DENND1A: variants seen among roughly 807,000 people sequenced by gnomAD.
DENND1A encodes DENN domain-containing protein 1A.
Under a neutral mutation model 113.7 loss-of-function variants are expected in DENND1A, and 51 were observed. The observed-to-expected ratio is 0.45, with a 90% confidence interval of 0.36 to 0.57. The LOEUF (loss-of-function observed/expected upper bound fraction) is 0.57, where lower values mean the gene tolerates loss of function less well. Ranked by LOEUF, DENND1A falls within the 20% of genes least tolerant of loss-of-function variation. DENND1A has a pLI of 0.00. For missense variants in DENND1A, 1,258 were observed against 1,395.9 expected, an observed-to-expected ratio of 0.90 and a Z score of 1.57; for synonymous variants, 565 against 570.8, an observed-to-expected ratio of 0.99 and a Z score of 0.14.
At chr9:123,620,297 T>C (rs1403673474) in intron 10 of DENND1A, among the ~76,000 whole-genome samples, 2 of 151,746 alleles carry the variant, frequency 1.3e-5, no homozygotes, top group South Asian at 2.1e-4. Context: ...ACAAGGCTCT[T>C]GGCACATTCA....
At chr9:123,651,729 G>A (rs1173622979) in intron 9 of DENND1A, among the ~76,000 whole-genome samples, 2 of 152,068 alleles carry the variant, frequency 1.3e-5, no homozygotes, top group Admixed American at 1.3e-4. Flanking sequence ...ATATGGTGTA[G>A]ACATTAAAAA....
intron 2 of DENND1A, among the ~76,000 whole-genome samples, chr9:123,854,593 G>C (rs1048647648): frequency 5.9e-5 from 9 of 151,902 alleles, no homozygotes; most frequent in African/African-American, 2.2e-4. Flanking sequence ...TACTCAGGAG[G>C]CTGAGGCAGG....
At chr9:123,749,088 T>C (rs1284488154) in intron 5 of DENND1A, among the ~76,000 whole-genome samples, 1 of 152,216 alleles carries the variant, frequency 6.6e-6, no homozygotes, top group African/African-American at 2.4e-5. Context: ...GGCCTTGGGC[T>C]CATTCTCCTG....
At chr9:123,616,328 C>A (rs191994869) in intron 10 of DENND1A, among the ~76,000 whole-genome samples, 2 of 152,200 alleles carry the variant, frequency 1.3e-5, no homozygotes, top group African/African-American at 4.8e-5. Flanking sequence ...AAGTCTCTTA[C>A]GCTACTCTTA....
chr9:123,912,360 A>G (rs1564493562), intron 1 of DENND1A, among the ~76,000 whole-genome samples: 1 of 152,182 alleles, frequency 6.6e-6, no homozygotes, highest in East Asian at 1.9e-4. Context: ...TCCTTGCCTC[A>G]TGTATCACAT....
At chr9:123,841,906 T>C (rs1841896052) in intron 2 of DENND1A, among the ~76,000 whole-genome samples, 1 of 152,176 alleles carries the variant, frequency 6.6e-6, no homozygotes, top group African/African-American at 2.4e-5. Context: ...TGCTGCTCAG[T>C]GGAAGGGGAC....
chr9:123,833,381 A>T (rs1239140588), intron 2 of DENND1A, among the ~76,000 whole-genome samples: 1 of 152,186 alleles, frequency 6.6e-6, no homozygotes, highest in Non-Finnish European at 1.5e-5. Flanking sequence ...AACAAAAACA[A>T]ATAGCTGGAA....
chr9:123,563,603 C>T (rs1183912145), intron 12 of DENND1A, among the ~76,000 whole-genome samples: 2 of 152,112 alleles, frequency 1.3e-5, no homozygotes, highest in African/African-American at 2.4e-5. Flanking sequence ...TTTACCAGTA[C>T]TATTACAACA....
chr9:123,784,848 A>G (rs1427764642), intron 3 of DENND1A, among the ~76,000 whole-genome samples: 2 of 152,190 alleles, frequency 1.3e-5, no homozygotes, highest in Non-Finnish European at 2.9e-5. Flanking sequence ...GGGAGTGACC[A>G]AATTGGGAAG....
At chr9:123,450,899 A>C (rs1390294766) in intron 17 of DENND1A, 150 bp from the exon 18 acceptor site, 19 of 598,310 alleles carry the variant, frequency 3.2e-5, no homozygotes, top group Non-Finnish European at 4.9e-5. Flanking sequence ...ATGGCTATGA[A>C]AACAAATACA....
At chr9:123,419,118 T>C (rs1035133949) in intron 19 of DENND1A, among the ~76,000 whole-genome samples, 2 of 152,050 alleles carry the variant, frequency 1.3e-5, no homozygotes, top group African/African-American at 2.4e-5. Flanking sequence ...GGTGAGAAAA[T>C]AGAATAGTAC....
intron 11 of DENND1A, among the ~76,000 whole-genome samples, chr9:123,603,539 T>C (rs1456095854): frequency 2.6e-5 from 4 of 152,150 alleles, no homozygotes; most frequent in African/African-American, 9.7e-5. Context: ...AGGTAAAAGA[T>C]GGTGAAAGCA....
At chr9:123,853,121 T>C (rs1843622179) in intron 2 of DENND1A, among the ~76,000 whole-genome samples, 1 of 151,714 alleles carries the variant, frequency 6.6e-6, no homozygotes, top group South Asian at 2.1e-4. Context: ...GGTTTCACCA[T>C]GTTGGCCAGG....
At chr9:123,905,612 G>T (rs1399112671) in intron 1 of DENND1A, among the ~76,000 whole-genome samples, 8 of 145,930 alleles carry the variant, frequency 5.5e-5, no homozygotes, top group Non-Finnish European at 1.2e-4. Context: ...GACAAAGAAG[G>T]CCATTACATA....
chr9:123,596,395 T>C (rs1015660497), intron 11 of DENND1A, among the ~76,000 whole-genome samples: 3 of 152,258 alleles, frequency 2.0e-5, no homozygotes, highest in African/African-American at 7.2e-5. Flanking sequence ...TTTTTGAACA[T>C]ACCATATTTT....
chr9:123,897,315 C>A lies in DENND1A; in HGVS notation c.18-18294G>T, dbSNP rs545652438. 5.9e-5 allele frequency among the ~76,000 whole-genome samples: 9 copies of A among 152,262 alleles called. No individual in the cohort carries two copies. The South Asian group carries it at 1.7e-3, about 28-fold the overall frequency. On this transcript the variant is annotated intron_variant, in intron 1 of 23. Coordinates refer to ENST00000394215, the MANE Select transcript of DENND1A (RefSeq NM_001352964.2). ...GACTCAAGGCAGCCCAAATACTGGA[C>A]GTGGACATCAGCATGAATAACTTCC...
chr9:123,535,460 C>T (rs893682113), intron 13 of DENND1A, among the ~76,000 whole-genome samples: 23 of 151,542 alleles, frequency 1.5e-4, no homozygotes, highest in Non-Finnish European at 8.8e-5. Context: ...AAGCCCCCAA[C>T]GATTGAAACT....
At chr9:123,398,256 C>A (rs139931043) in intron 21 of DENND1A, among the ~76,000 whole-genome samples, 1 of 152,352 alleles carries the variant, frequency 6.6e-6, no homozygotes, top group African/African-American at 2.4e-5. Flanking sequence ...AGATGCACCC[C>A]GGGATCAGTG....
At chr9:123,663,412 T>C (rs939046622) in intron 8 of DENND1A, among the ~76,000 whole-genome samples, 2 of 152,220 alleles carry the variant, frequency 1.3e-5, no homozygotes, top group African/African-American at 4.8e-5. Flanking sequence ...TTAATTAATT[T>C]ATTATTATAG....
Sources: gnomAD v4.1 joint callset for allele counts (sites outside exome capture counted in the v4.1 genomes callset) on GRCh38, gnomAD v4.1.1 for gene constraint, MANE v1.5 for transcripts, NCBI Gene and HGNC (gene_info 2026-07-23, HGNC 2026-07-21) for gene names.